KIAA0825: variants seen among roughly 807,000 people sequenced by gnomAD.
The protein encoded by KIAA0825 is uncharacterized protein KIAA0825.
A neutral mutation model predicts 147.6 loss-of-function variants in KIAA0825; 119 were observed. The ratio of observed to expected loss-of-function variants is 0.81; its 90% CI spans 0.69 to 0.94. The LOEUF is 0.94. Among genes scored for constraint, KIAA0825 ranks in the 40% least tolerant of loss-of-function variants. The probability of loss-of-function intolerance (pLI) is 0.00; values close to 1 mark genes in which losing one functional copy is unlikely to be tolerated. For missense variants in KIAA0825, 1,381 were observed against 1,472.7 expected (o/e 0.94, Z 1.02); for synonymous variants, 470 against 518.1 (o/e 0.91, Z 1.26).
At chr5:94,617,638 T>C (rs1178676064) in intron 1 of KIAA0825, among the ~76,000 whole-genome samples, 2 of 152,158 alleles carry the variant, frequency 1.3e-5, no homozygotes, top group Non-Finnish European at 2.9e-5. Flanking sequence ...ATTATCTAAA[T>C]ATAAGGTGGC....
chr5:94,468,741 AC>A (rs34039000), intron 10 of KIAA0825, among the ~76,000 whole-genome samples: 22,734 of 152,142 alleles, frequency 0.15, 1,925 homozygotes, highest in East Asian at 0.21. Flanking sequence ...AACCACAGGA[AC>A]CTTCAGTGCC....
intron 14 of KIAA0825, among the ~76,000 whole-genome samples, chr5:94,438,134 T>G (rs151304031): frequency 6.6e-6 from 1 of 152,196 alleles, no homozygotes; most frequent in Admixed American, 6.5e-5. Context: ...TGCATGAGTA[T>G]TTGTATTGGA....
chr5:94,372,013 C>CA (rs1293074913), intron 20 of KIAA0825, among the ~76,000 whole-genome samples: 1 of 152,198 alleles, frequency 6.6e-6, no homozygotes. Flanking sequence ...ACATGCCCCA[C>CA]ACAAGTCCAA....
intron 20 of KIAA0825, among the ~76,000 whole-genome samples, chr5:94,365,072 T>G (rs1335286580): frequency 6.6e-6 from 1 of 152,138 alleles, no homozygotes; most frequent in Non-Finnish European, 1.5e-5. Context: ...TGGGCGGCTA[T>G]GTAAACGTCA....
At chr5:94,535,584 C>G (rs1771836923) in intron 3 of KIAA0825, among the ~76,000 whole-genome samples, 1 of 150,774 alleles carries the variant, frequency 6.6e-6, no homozygotes, top group Non-Finnish European at 1.5e-5. Flanking sequence ...ACTAGATATG[C>G]CGTTTGTCAG....
intron 20 of KIAA0825, among the ~76,000 whole-genome samples, chr5:94,247,577 G>A (rs2150114559): frequency 6.6e-6 from 1 of 152,188 alleles, no homozygotes; most frequent in South Asian, 2.1e-4. Context: ...CTTGCCCTGA[G>A]CTTTTATAAA....
intron 20 of KIAA0825, among the ~76,000 whole-genome samples, chr5:94,366,608 T>C (rs1745890061): frequency 6.6e-6 from 1 of 152,208 alleles, no homozygotes; most frequent in African/African-American, 2.4e-5. Context: ...GAACTTCCTG[T>C]GTTCCAGGCC....
intron 16 of KIAA0825, among the ~76,000 whole-genome samples, chr5:94,402,159 TA>T (rs1429888648): frequency 6.6e-6 from 1 of 152,204 alleles, no homozygotes; most frequent in African/African-American, 2.4e-5. Flanking sequence ...AAATGTTATT[TA>T]GTAAGGAAAA....
chr5:94,351,625 T>C (rs1004153159), intron 20 of KIAA0825, among the ~76,000 whole-genome samples: 2 of 152,174 alleles, frequency 1.3e-5, no homozygotes, highest in Non-Finnish European at 2.9e-5. Flanking sequence ...AGAGCCTGCA[T>C]AGCCAAAGCA....
rs1422045738 is a variant in KIAA0825 at position 94,471,936 on chromosome 5, A to G, written c.1456-205T>C. Among the ~76,000 whole-genome samples, 5 of 152,330 alleles carry G rather than the reference A, an allele frequency of 3.3e-5. No individual in the cohort carries two copies. In the East Asian group the frequency reaches 7.7e-4, roughly 24 times the overall value. ...AAATACCAAAACAATGCTTCTCTCTATATAACTTTCAAACCTTATGCTTAC... is the reference window on the plus strand; with the variant it reads ...AAATACCAAAACAATGCTTCTCTCTGTATAACTTTCAAACCTTATGCTTAC... On this transcript the variant is annotated intron_variant, in intron 8 of 20. Coordinates refer to ENST00000682413, the MANE Select transcript of KIAA0825 (RefSeq NM_001145678.3).
At chr5:94,443,037 A>G (rs964558985) in intron 13 of KIAA0825, among the ~76,000 whole-genome samples, 5 of 152,110 alleles carry the variant, frequency 3.3e-5, no homozygotes, top group South Asian at 2.1e-4. Context: ...ATGCCGCTGT[A>G]TCTGAATACC....
chr5:94,605,584 A>G (rs1321337548), intron 1 of KIAA0825, among the ~76,000 whole-genome samples: 1 of 152,236 alleles, frequency 6.6e-6, no homozygotes, highest in Non-Finnish European at 1.5e-5. Context: ...ACTAGGCTTC[A>G]TTCCCAGGAT....
At chr5:94,489,230 C>G (rs1763415858) in intron 5 of KIAA0825, among the ~76,000 whole-genome samples, 1 of 152,136 alleles carries the variant, frequency 6.6e-6, no homozygotes, top group Non-Finnish European at 1.5e-5. Context: ...CACGTAGTCA[C>G]AGTGTGAAGG....
chr5:94,564,216 T>G (rs940565421), intron 2 of KIAA0825, among the ~76,000 whole-genome samples: 9 of 145,226 alleles, frequency 6.2e-5, no homozygotes, highest in African/African-American at 2.3e-4. Context: ...TTCCCCTTGT[T>G]TTTTTTTTTT....
Position 94,609,413 on chromosome 5 carries a change from CA to C in KIAA0825, c.-153+9086del, listed in dbSNP as rs1788270460. Among the ~76,000 whole-genome samples the C allele has an allele frequency of 2.0e-5, 3 of 151,680 alleles. No homozygotes were observed. The South Asian group carries it at 6.3e-4, about 32-fold the overall frequency. On this transcript the variant is annotated intron_variant, in intron 1 of 20. Coordinates refer to ENST00000682413, the MANE Select transcript of KIAA0825 (RefSeq NM_001145678.3). ...ATGTAGTGGTTTGTTTAAATATTGTCAAAAATATTTCATTTTAATTTATAAT... is the reference window on the plus strand; with the variant it reads ...ATGTAGTGGTTTGTTTAAATATTGTCAAAATATTTCATTTTAATTTATAAT...
chr5:94,245,321 TAATA>T (rs933579052), intron 20 of KIAA0825, among the ~76,000 whole-genome samples: 17 of 152,176 alleles, frequency 1.1e-4, no homozygotes, highest in Admixed American at 2.0e-4. Context: ...TCCAAATTTT[TAATA>T]AATCCCTCAG....
At chr5:94,401,557 A>G (rs1751377830) in intron 16 of KIAA0825, among the ~76,000 whole-genome samples, 1 of 152,132 alleles carries the variant, frequency 6.6e-6, no homozygotes, top group African/African-American at 2.4e-5. Flanking sequence ...CCTCTCCCCA[A>G]GAGCATGGCA....
intron 20 of KIAA0825, among the ~76,000 whole-genome samples, chr5:94,211,892 A>G (rs1425912506): frequency 6.6e-6 from 1 of 152,184 alleles, no homozygotes; most frequent in Non-Finnish European, 1.5e-5. Context: ...ATATACGTAC[A>G]TGAATACAAA....
chr5:94,594,439 T>C (rs892278561), intron 1 of KIAA0825: 2 of 735,646 alleles, frequency 2.7e-6, no homozygotes, highest in African/African-American at 3.5e-5. Flanking sequence ...TACCATACAG[T>C]AGATTTTGAG....
Sources: gnomAD v4.1 joint callset for allele counts (sites outside exome capture counted in the v4.1 genomes callset) on GRCh38, gnomAD v4.1.1 for gene constraint, MANE v1.5 for transcripts, NCBI Gene and HGNC (gene_info 2026-07-23, HGNC 2026-07-21) for gene names.